Variants in OOSP2 observed in about 807,000 individuals in gnomAD.
OOSP2 encodes the protein oocyte-secreted protein 2.
Under a neutral mutation model 13.4 loss-of-function variants are expected in OOSP2, and 7 were observed. The observed-to-expected ratio is 0.52, with a 90% CI of 0.30 to 0.98. The LOEUF is 0.98. OOSP2 is among the 50% of genes least tolerant of loss of function. The pLI, the probability that OOSP2 is intolerant of heterozygous loss-of-function variation, is 0.07. For missense variants in OOSP2, 184 were observed against 188.5 expected (o/e 0.98, Z 0.14); for synonymous variants, 75 against 67.2 (o/e 1.12, Z -0.57).
intron 1 of OOSP2, among the ~76,000 whole-genome samples, chr11:60,041,981 G>C (rs991314727): frequency 1.3e-5 from 2 of 150,690 alleles, no homozygotes; most frequent in African/African-American, 4.9e-5. Flanking sequence ...GCGTGATGGC[G>C]GGTGCCTGTA....
intron 3 of OOSP2, among the ~76,000 whole-genome samples, chr11:60,045,366 CTT>C (rs568222357): frequency 6.3e-5 from 9 of 142,740 alleles, no homozygotes; most frequent in East Asian, 4.1e-4. Context: ...TCCTGATACA[CTT>C]TTTTTTTTTT....
In OOSP2 at chr11:60,047,112, A is replaced by G. The variant is rs1394918549; in HGVS notation, c.*39A>G. 6.5e-7 allele frequency: 1 copy of G among 1,548,690 alleles called. No individual in the cohort carries two copies. ...TGGAAACTTGAAGCTGGTGTTATGTATTTTGCAGGAAAACAGTTTCATTTT... is the reference window on the plus strand; with the variant it reads ...TGGAAACTTGAAGCTGGTGTTATGTGTTTTGCAGGAAAACAGTTTCATTTT... On this transcript the variant is annotated 3_prime_UTR_variant, in exon 4 of 4. Transcript: ENST00000278855.
chr11:60,043,614 A>C lies in OOSP2; in HGVS notation c.210A>C (p.Ile70=). Residue 70 remains isoleucine (I), a synonymous_variant, in exon 2 of 4, where the codon ATA becomes ATC. Transcript: ENST00000278855. Reference sequence around the variant, plus strand: ...TACATACATATGTATATGAGTTTATATATCTTGTTCGTGATTGTGGCATCA... The same window carrying C: ...TACATACATATGTATATGAGTTTATCTATCTTGTTCGTGATTGTGGCATCA... ...NRIHTYVYEF[I]YLVRDCGIRT... 1.2e-6 allele frequency: 2 copies of C among 1,607,842 alleles called. No homozygotes were observed. The highest frequency in any genetic ancestry group is 2.2e-5 in the South Asian group (2 of 90,764).
Position 60,040,502 on chromosome 11 carries a change from A to G in OOSP2, c.43A>G (p.Thr15Ala). The change falls in exon 1 of 4, where the codon ACC becomes GCC. Residue 15 changes from threonine (T) to alanine (A), a missense_variant. Coordinates refer to ENST00000278855, the MANE Select transcript of OOSP2 (RefSeq NM_173801.5). ...GATGCTCCTCGCTGTCTTGATTTGGACCGGTGCTGAGAACCTCCATGGTAA... is the reference window on the plus strand; with the variant it reads ...GATGCTCCTCGCTGTCTTGATTTGGGCCGGTGCTGAGAACCTCCATGGTAA... Reference protein sequence around the residue: ...VLMLLAVLIWTGAENLHVKIS... With the variant: ...VLMLLAVLIWAGAENLHVKIS... The G allele has an allele frequency of 3.8e-6, 6 of 1,598,866 alleles. No individual in the cohort carries two copies. The highest frequency in any genetic ancestry group is 4.3e-6 in the Non-Finnish European group (5 of 1,166,098).
rs1854987798 is a variant in OOSP2 at position 60,044,748 on chromosome 11, A to G, written c.321A>G (p.Glu107=). Residue 107 remains glutamate (E), a synonymous_variant, in exon 3 of 4, where the codon GAA becomes GAG. Transcript: ENST00000278855. ...TPRNIDHDPQ[E]IHLECSTSRK... ...GGAATATAGATCATGACCCTCAGGA[A>G]ATCCATTTGGAGTGTTCCACCTCTA... The G allele has an allele frequency of 1.3e-6, 2 of 1,591,180 alleles. No individual in the cohort carries two copies. The highest frequency in any genetic ancestry group is 1.7e-6 in the Non-Finnish European group (2 of 1,159,656).
Position 60,044,804 on chromosome 11 carries a change from A to C in OOSP2, c.347+30A>C, listed in dbSNP as rs1447737522. On this transcript the variant is annotated intron_variant, in intron 3 of 3. Coordinates refer to ENST00000278855, the MANE Select transcript of OOSP2 (RefSeq NM_173801.5). ...GTCCAGCAGATTTGATTCCTTTGGA[A>C]TGTTTTAGCTTTACCTTTGCTTATG... is the stretch of plus-strand genomic sequence containing the variant. 4 of 1,065,308 alleles carry C rather than the reference A, an allele frequency of 3.8e-6. No homozygotes were observed. In the South Asian group the frequency reaches 5.3e-5, roughly 14 times the overall value. 66.0% of individuals were successfully genotyped at this position (1,065,308 alleles called of 1,614,324 possible).
intron 1 of OOSP2, among the ~76,000 whole-genome samples, chr11:60,043,153 C>G (rs1168306355): frequency 6.6e-6 from 1 of 152,182 alleles, no homozygotes; most frequent in Non-Finnish European, 1.5e-5. Context: ...ATGCGCCCGC[C>G]TCGGCCTCCC....
At chr11:60,043,884 T>C (rs1300241436) in intron 2 of OOSP2, among the ~76,000 whole-genome samples, 1 of 152,248 alleles carries the variant, frequency 6.6e-6, no homozygotes, top group African/African-American at 2.4e-5. Context: ...GCCCTTAGGC[T>C]ACTATTATAT....
rs952356293 is a variant in OOSP2, at chr11:60,046,781, C to T, written c.348-163C>T. 36 of 754,864 alleles carry T rather than the reference C, an allele frequency of 4.8e-5. No individual in the cohort carries two copies. In the East Asian group the frequency reaches 7.2e-4, roughly 15 times the overall value. The allele number at this position is 754,864 out of a possible 1,614,324, so 46.8% of individuals were successfully genotyped here. Reference sequence around the variant, plus strand: ...CTTCTGTAAGCCTATCTGCTCAAATCCTGTACCAAGAGTCCACGAGGATCT... The same window carrying T: ...CTTCTGTAAGCCTATCTGCTCAAATTCTGTACCAAGAGTCCACGAGGATCT... On this transcript the variant is annotated intron_variant, in intron 3 of 3. Transcript: ENST00000278855.
intron 1 of OOSP2, 94 bp downstream of exon 1, chr11:60,040,617 C>A (rs1854917293): frequency 1.3e-6 from 1 of 742,646 alleles, no homozygotes; most frequent in Non-Finnish European, 2.4e-6. Flanking sequence ...GAAATCTGAT[C>A]TTATTCTAAC....
Position 60,046,838 on chromosome 11 carries a change from C to T in OOSP2, c.348-106C>T, listed in dbSNP as rs1352918539. 4 of 937,522 alleles carry T rather than the reference C, an allele frequency of 4.3e-6. No homozygotes were observed. The African/African-American group carries it at 4.8e-5, about 11-fold the overall frequency. 58.1% of individuals were successfully genotyped at this position (937,522 alleles called of 1,614,324 possible). ...CATAGTATGCTGGCTCTATGCCATA[C>T]TCCTGAATGACTATTCTGTATATGA... On this transcript the variant is annotated intron_variant, in intron 3 of 3. Coordinates refer to ENST00000278855, the MANE Select transcript of OOSP2 (RefSeq NM_173801.5).
chr11:60,046,211 GTCTCTCTC>G (rs919582791), intron 3 of OOSP2, among the ~76,000 whole-genome samples: 3 of 136,646 alleles, frequency 2.2e-5, no homozygotes, highest in South Asian at 4.7e-4. Context: ...CTCTCTCTCT[GTCTCTCTC>G]TCTTTCTCCC....
chr11:60,043,753 T>C (rs1854971782), intron 2 of OOSP2, 106 bp downstream of exon 2: 1 of 630,110 alleles, frequency 1.6e-6, no homozygotes, highest in African/African-American at 1.8e-5. Flanking sequence ...CTCATTGTAG[T>C]AATTTATGGG....
In OOSP2 at chr11:60,047,001, T is replaced by C. The variant is rs1855015916; in HGVS notation, c.405T>C (p.Ser135=). 1 of 1,604,230 alleles carries C rather than the reference T, an allele frequency of 6.2e-7. No individual in the cohort carries two copies. The highest frequency in any genetic ancestry group is 1.1e-5 in the South Asian group (1 of 90,874). Reference sequence around the variant, plus strand: ...AGAATGAAATAAAATTGGATCCTAGTCCTTTTATTGCTGACTTTCAGACAA... The same window carrying C: ...AGAATGAAATAAAATTGGATCCTAGCCCTTTTATTGCTGACTTTCAGACAA... ...STENEIKLDP[S]PFIADFQTTA... The change falls in exon 4 of 4, where the codon AGT becomes AGC. Residue 135 remains serine (S), a synonymous_variant. Coordinates refer to ENST00000278855, the MANE Select transcript of OOSP2 (RefSeq NM_173801.5).
rs1854968987 is a variant in OOSP2 at position 60,043,616 on chromosome 11, A to G, written c.212A>G (p.Tyr71Cys). Residue 71 changes from tyrosine to cysteine, a missense_variant, in exon 2 of 4, where the codon TAT becomes TGT. Tyr to Cys is a radical substitution (Grantham distance 194, BLOSUM62 -2). Coordinates refer to ENST00000278855, the MANE Select transcript of OOSP2 (RefSeq NM_173801.5). Reference protein sequence around the residue: ...RIHTYVYEFIYLVRDCGIRTR... With the variant: ...RIHTYVYEFICLVRDCGIRTR... ...CATACATATGTATATGAGTTTATAT[A>G]TCTTGTTCGTGATTGTGGCATCAGG... is the stretch of plus-strand genomic sequence containing the variant. The G allele has an allele frequency of 2.5e-6, 4 of 1,607,162 alleles. No individual in the cohort carries two copies. The highest frequency in any genetic ancestry group is 3.4e-6 in the Non-Finnish European group (4 of 1,174,040).
In OOSP2 at chr11:60,047,007, T is replaced by C; in HGVS notation, c.411T>C (p.Phe137=). 1 of 1,609,808 alleles carries C rather than the reference T, an allele frequency of 6.2e-7. No homozygotes were observed. Among genetic ancestry groups the C allele is most frequent in the Non-Finnish European group, 8.5e-7 (1 of 1,176,106 alleles). The part of the protein sequence containing the change: ...ENEIKLDPSP[F]IADFQTTAEE... ...AAATAAAATTGGATCCTAGTCCTTT[T>C]ATTGCTGACTTTCAGACAACAGCAG... Residue 137 remains phenylalanine (F), a synonymous_variant, in exon 4 of 4, where the codon TTT becomes TTC. Coordinates refer to ENST00000278855, the MANE Select transcript of OOSP2 (RefSeq NM_173801.5).
Sources: gnomAD v4.1 joint callset for allele counts (sites outside exome capture counted in the v4.1 genomes callset) on GRCh38, gnomAD v4.1.1 for gene constraint, MANE v1.5 for transcripts, NCBI Gene and HGNC (gene_info 2026-07-23, HGNC 2026-07-21) for gene names.